Variants in HOXC5 observed in about 807,000 individuals in gnomAD.
HOXC5 encodes homeobox C5.
HOXC5 carries 19 observed loss-of-function variants against 20.1 expected under a neutral mutation model. That is an observed-to-expected ratio of 0.94 (90% confidence interval 0.66 to 1.38). The LOEUF (loss-of-function observed/expected upper bound fraction) is 1.38. Ranked by LOEUF, HOXC5 falls within the 40% of genes most tolerant of loss-of-function variation. The pLI is 0.00. For missense variants in HOXC5, 330 were observed against 300.1 expected, an observed-to-expected ratio of 1.10 and a Z score of -0.74; for synonymous variants, 124 against 117.0, an observed-to-expected ratio of 1.06 and a Z score of -0.39.
rs1941135509 is a variant in HOXC5 at position 54,034,708 on chromosome 12, C to T, written c.*216C>T. ...TCGGCGCTGCCCCATCTCCCCTCAG[C>T]TCGGCTCAGCTCGGTACCCGGGGCC... On this transcript the variant is annotated 3_prime_UTR_variant, in exon 2 of 2. Transcript: ENST00000312492. 1.8e-6 allele frequency: 1 copy of T among 549,404 alleles called. No homozygotes were observed. Among genetic ancestry groups the T allele is most frequent in the Non-Finnish European group, 3.3e-6 (1 of 306,098 alleles). The allele number at this position is 549,404 out of a possible 1,614,324, so 34.0% of individuals were successfully genotyped here.
intron 1 of HOXC5, chr12:54,034,032 C>A: frequency 1.5e-6 from 1 of 685,986 alleles, no homozygotes; most frequent in East Asian, 2.9e-5. Flanking sequence ...TCTCCCTCTT[C>A]CCCCCAACCC....
At chr12:54,019,450 G>C in the HOXC5 span, among the ~76,000 whole-genome samples, 1 of 152,150 alleles carries the variant, frequency 6.6e-6, no homozygotes, top group African/African-American at 2.4e-5. Context: ...GGGCCCGAGA[G>C]GCCCGAAAAA....
intron 1 of HOXC5, chr12:54,034,045 C>G (rs767812829): frequency 1.0e-5 from 7 of 699,816 alleles, no homozygotes; most frequent in African/African-American, 7.0e-5. Flanking sequence ...CCCAACCCCC[C>G]CTCAGCCCCT....
chr12:54,026,914 G>A, the HOXC5 span, among the ~76,000 whole-genome samples: 1 of 151,844 alleles, frequency 6.6e-6, no homozygotes, highest in Non-Finnish European at 1.5e-5. Flanking sequence ...GGCGACATCC[G>A]GGTTCTTGTT....
chr12:54,019,100 C>T, the HOXC5 span, among the ~76,000 whole-genome samples: 1 of 139,172 alleles, frequency 7.2e-6, no homozygotes, highest in Non-Finnish European at 1.5e-5. Flanking sequence ...CCGCTAAATT[C>T]CCCTTTCGCA....
At chr12:54,022,063 C>T in the HOXC5 span, 1 of 152,280 alleles carries the variant, frequency 6.6e-6, no homozygotes. Flanking sequence ...GGTGGACAGA[C>T]TTCTGAGCAG....
intron 1 of HOXC5, chr12:54,034,000 T>G: frequency 4.8e-6 from 3 of 631,302 alleles, no homozygotes; most frequent in Non-Finnish European, 9.1e-6. Flanking sequence ...CGAGGGTGCT[T>G]ATTGTTCGGT....
In HOXC5 at chr12:54,034,511, G is replaced by C. The variant is rs1356512981; in HGVS notation, c.*19G>C. 1 of 1,598,544 alleles carries C rather than the reference G, an allele frequency of 6.3e-7. No individual in the cohort carries two copies. ...TCTTTAGAGGCAGCGGGGGAGGCCC[G>C]CAGAGCGCGCCCCTAGCCGGTTCCT... is the stretch of plus-strand genomic sequence containing the variant. On this transcript the variant is annotated 3_prime_UTR_variant, in exon 2 of 2. Coordinates refer to ENST00000312492, the MANE Select transcript of HOXC5 (RefSeq NM_018953.4).
At position 54,034,310 on chromosome 12, in the gene HOXC5, A is replaced by G; in HGVS notation, c.487A>G (p.Thr163Ala). The G allele has an allele frequency of 1.9e-6, 3 of 1,614,068 alleles. No homozygotes were observed. The highest frequency in any genetic ancestry group is 2.5e-6 in the Non-Finnish European group (3 of 1,180,018). The change falls in exon 2 of 2, where the codon ACG becomes GCG. Residue 163 changes from threonine to alanine, a missense_variant. Transcript: ENST00000312492. ...TDGKRSRTSYTRYQTLELEKE... is the reference protein window; with the variant it reads ...TDGKRSRTSYARYQTLELEKE... ...CGGCAAGCGGTCCCGAACCAGTTACACGCGCTACCAGACTCTGGAACTCGA... is the reference window on the plus strand; with the variant it reads ...CGGCAAGCGGTCCCGAACCAGTTACGCGCGCTACCAGACTCTGGAACTCGA...
chr12:54,033,883 GCTCC>G, intron 1 of HOXC5: 3 of 468,930 alleles, frequency 6.4e-6, no homozygotes, highest in Non-Finnish European at 1.2e-5. Context: ...TCCCCCCGCG[GCTCC>G]CTCCCTCCCT....
chr12:54,029,568 G>T (rs2136438998), upstream of HOXC5: 1 of 1,395,478 alleles, frequency 7.2e-7, no homozygotes, highest in South Asian at 1.3e-5. Flanking sequence ...TGGCCAGGTT[G>T]GGAGGGTCAG....
Position 54,034,298 on chromosome 12 carries a change from C to A in HOXC5, c.475C>A (p.Arg159=). The A allele has an allele frequency of 6.2e-7, 1 of 1,613,922 alleles. No individual in the cohort carries two copies. Among genetic ancestry groups the A allele is most frequent in the Non-Finnish European group, 8.5e-7 (1 of 1,179,996 alleles). Residue 159 remains arginine (R), a synonymous_variant, in exon 2 of 2, where the codon CGA becomes AGA. Coordinates refer to ENST00000312492, the MANE Select transcript of HOXC5 (RefSeq NM_018953.4). ...TCCAGAGACGGACGGCAAGCGGTCC[C>A]GAACCAGTTACACGCGCTACCAGAC... ...MSHETDGKRS[R]TSYTRYQTLE...
upstream of HOXC5, chr12:54,029,675 C>G: frequency 6.2e-7 from 1 of 1,613,522 alleles, no homozygotes; most frequent in Non-Finnish European, 8.5e-7. Flanking sequence ...CGGAGCGGAC[C>G]GGAGGCGCGG....
At chr12:54,028,198 C>A (rs1221836447), upstream of HOXC5, among the ~76,000 whole-genome samples, 1 of 151,988 alleles carries the variant, frequency 6.6e-6, no homozygotes, top group Non-Finnish European at 1.5e-5. Flanking sequence ...TCCCAAGGCC[C>A]TGCTCAGGGA....
chr12:54,033,369 G>A lies in HOXC5; in HGVS notation c.247G>A (p.Gly83Arg). Reference protein sequence around the residue: ...RPACSAAAAPGHAPGRDEAAP... With the variant: ...RPACSAAAAPRHAPGRDEAAP... Reference sequence around the variant, plus strand: ...CGCCTGCAGCGCCGCGGCCGCTCCGGGACACGCTCCGGGCAGAGACGAAGC... The same window carrying A: ...CGCCTGCAGCGCCGCGGCCGCTCCGAGACACGCTCCGGGCAGAGACGAAGC... The change falls in exon 1 of 2, where the codon GGA (glycine) becomes AGA (arginine). Residue 83 changes from glycine to arginine, a missense_variant. Transcript: ENST00000312492. 2 of 1,612,842 alleles carry A rather than the reference G, an allele frequency of 1.2e-6. No homozygotes were observed. The highest frequency in any genetic ancestry group is 1.1e-5 in the South Asian group (1 of 91,022).
chr12:54,029,699 T>C, upstream of HOXC5: 1 of 1,614,012 alleles, frequency 6.2e-7, no homozygotes, highest in Non-Finnish European at 8.5e-7. Flanking sequence ...CCAGATCTAC[T>C]CGCGGTACCA....
At chr12:54,022,638 TAAC>T in the HOXC5 span, 1 of 151,842 alleles carries the variant, frequency 6.6e-6, no homozygotes, top group Admixed American at 6.6e-5. Flanking sequence ...TTCCAGAACA[TAAC>T]AACATTTTAT....
the HOXC5 span, among the ~76,000 whole-genome samples, chr12:54,018,365 G>A: frequency 1.3e-5 from 2 of 152,196 alleles, no homozygotes; most frequent in Non-Finnish European, 2.9e-5. Flanking sequence ...GTGGAAATGG[G>A]GAAGGCCCTA....
At chr12:54,034,211 G>C (rs1456527590) in intron 1 of HOXC5, 67 bp from the exon 2 acceptor site, 1 of 1,421,670 alleles carries the variant, frequency 7.0e-7, no homozygotes, top group Non-Finnish European at 9.9e-7. Context: ...CCTGGGCTGG[G>C]GTGGGGACGG....
Sources: gnomAD v4.1 joint callset for allele counts (sites outside exome capture counted in the v4.1 genomes callset) on GRCh38, gnomAD v4.1.1 for gene constraint, MANE v1.5 for transcripts, NCBI Gene and HGNC (gene_info 2026-07-23, HGNC 2026-07-21) for gene names.